Variants in JMJD1C observed in about 807,000 individuals in gnomAD.
The protein encoded by JMJD1C is jumonji domain-containing protein 1C.
A neutral mutation model predicts 245.3 loss-of-function variants in JMJD1C; 31 were observed. That is an observed-to-expected ratio of 0.13 (90% CI 0.09 to 0.17). The LOEUF is 0.17. JMJD1C is among the 10% of genes least tolerant of loss of function. JMJD1C has a pLI of 1.00. For synonymous variants in JMJD1C, 1,057 were observed against 1,017.4 expected, an observed-to-expected ratio of 1.04 and a Z score of -0.74; for missense variants, 2,691 against 3,000.2, an observed-to-expected ratio of 0.90 and a Z score of 2.41.
intron 3 of JMJD1C, among the ~76,000 whole-genome samples, chr10:63,227,046 T>C (rs1026374082): frequency 3.9e-5 from 6 of 152,126 alleles, no homozygotes; most frequent in Non-Finnish European, 5.9e-5. Flanking sequence ...CCAGTCTGGG[T>C]GGCAGAGTGA....
At chr10:63,281,564 G>A (rs138000301) in intron 2 of JMJD1C, among the ~76,000 whole-genome samples, 13,441 of 146,452 alleles carry the variant, frequency 0.092, 751 homozygotes, top group South Asian at 0.25. Context: ...TCTGCCTCCC[G>A]GGTTCAAGCG....
chr10:63,459,875 A>G (rs891442045), intron 1 of JMJD1C, among the ~76,000 whole-genome samples: 3 of 152,220 alleles, frequency 2.0e-5, no homozygotes, highest in African/African-American at 7.2e-5. Context: ...AATCCACAGT[A>G]GTATGTAGGA....
At chr10:63,474,061 A>G (rs572914016) in intron 1 of JMJD1C, among the ~76,000 whole-genome samples, 1 of 151,860 alleles carries the variant, frequency 6.6e-6, no homozygotes. Flanking sequence ...AGAAAAGAAA[A>G]AAAGAAATAA....
intron 1 of JMJD1C, among the ~76,000 whole-genome samples, chr10:63,460,395 C>T (rs1185744483): frequency 6.6e-6 from 1 of 152,042 alleles, no homozygotes; most frequent in African/African-American, 2.4e-5. Context: ...TGGCACATGC[C>T]TGTAGTCCCA....
rs756632654 is a variant in JMJD1C at position 63,189,340 on chromosome 10, G to C, written c.6398C>G (p.Pro2133Arg). The change falls in exon 18 of 26, where the codon CCA (proline) becomes CGA (arginine). Residue 2133 changes from proline (P) to arginine (R), a missense_variant. Physicochemically the swap from Pro to Arg is moderately radical, Grantham distance 103 (BLOSUM62 -2). Transcript: ENST00000399262. ...TTCTTCAGGCTCTTCTTTAAGCTCT[G>C]GTTTTACATTTATCTTGGAGGTTTT... ...PSKTSKINVK[P>R]ELKEEPEESI... 1.2e-5 allele frequency: 20 copies of C among 1,613,494 alleles called. No individual in the cohort carries two copies. Among genetic ancestry groups the C allele is most frequent in the African/African-American group, 2.7e-5 (2 of 74,836 alleles).
chr10:63,176,273 T>A (rs759821290), intron 24 of JMJD1C, 24 bp downstream of exon 24: 13 of 1,528,078 alleles, frequency 8.5e-6, no homozygotes, highest in Middle Eastern at 1.8e-4. Context: ...GTAAAAAATA[T>A]GTTAGAAATA....
chr10:63,220,070 T>C, intron 3 of JMJD1C, 87 bp from the exon 4 acceptor site: 2 of 894,688 alleles, frequency 2.2e-6, no homozygotes, highest in Non-Finnish European at 3.4e-6. Context: ...TTCTAAGGAC[T>C]GAATAAAATT....
At chr10:63,291,731 C>A (rs2133943553) in intron 2 of JMJD1C, among the ~76,000 whole-genome samples, 1 of 152,234 alleles carries the variant, frequency 6.6e-6, no homozygotes. Flanking sequence ...GCCTCAGCCT[C>A]CAGAGTAGCT....
intron 3 of JMJD1C, 131 bp downstream of exon 3, chr10:63,264,520 C>T (rs1267767458): frequency 1.0e-4 from 56 of 543,306 alleles, no homozygotes; most frequent in Non-Finnish European, 9.6e-5. Context: ...CAACTGACTG[C>T]ATTCATTGGG....
intron 3 of JMJD1C, among the ~76,000 whole-genome samples, chr10:63,247,111 C>A (rs67963837): frequency 0.43 from 35,577 of 82,924 alleles, 5,295 homozygotes; most frequent in Non-Finnish European, 0.55. Context: ...ACAAAAAAAA[C>A]AAAAACAAAA....
intron 1 of JMJD1C, among the ~76,000 whole-genome samples, chr10:63,477,442 A>G (rs1038512964): frequency 1.3e-5 from 2 of 152,058 alleles, no homozygotes; most frequent in African/African-American, 2.4e-5. Context: ...CCAGAAATAG[A>G]CCCATACTTA....
At chr10:63,415,478 T>C (rs528581345) in intron 1 of JMJD1C, among the ~76,000 whole-genome samples, 1 of 152,330 alleles carries the variant, frequency 6.6e-6, no homozygotes, top group African/African-American at 2.4e-5. Flanking sequence ...ATTAGTTCAA[T>C]TCATGTGGAT....
At chr10:63,465,369 TC>T in intron 1 of JMJD1C, 125 bp downstream of exon 1, 2 of 1,003,398 alleles carry the variant, frequency 2.0e-6, no homozygotes, top group Non-Finnish European at 2.9e-6. Context: ...CGCCAAGGGT[TC>T]AGCAGAGGGG....
intron 4 of JMJD1C, 54 bp downstream of exon 4, chr10:63,219,824 A>G: frequency 8.0e-7 from 1 of 1,242,622 alleles, no homozygotes; most frequent in South Asian, 1.2e-5. Context: ...AAAAACAAAT[A>G]TGATAAGTTG....
intron 2 of JMJD1C, among the ~76,000 whole-genome samples, chr10:63,272,697 AC>A (rs1428849507): frequency 6.6e-6 from 1 of 152,274 alleles, no homozygotes; most frequent in African/African-American, 2.4e-5. Context: ...ATGTCATGTT[AC>A]CAAACCAAAA....
rs1420327473 is a variant in JMJD1C, at chr10:63,198,295, C to T, written c.5491+218G>A. ...TAACTTAATGTTGTAATGGCAGAAA[C>T]AGCAAAATGCTATTGTGATTTCACA... is the stretch of plus-strand genomic sequence containing the variant. On this transcript the variant is annotated intron_variant, in intron 12 of 25. Transcript: ENST00000399262. Among the ~76,000 whole-genome samples, 3 of 152,250 alleles carry T rather than the reference C, an allele frequency of 2.0e-5. No individual in the cohort carries two copies. The East Asian group carries it at 5.8e-4, about 29-fold the overall frequency.
chr10:63,504,538 G>A (rs183190357), intron 1 of JMJD1C, among the ~76,000 whole-genome samples: 1 of 152,274 alleles, frequency 6.6e-6, no homozygotes, highest in Admixed American at 6.5e-5. Flanking sequence ...AGGCCAATAG[G>A]ACTGAAGCTT....
chr10:63,520,799 CA>C (rs1452245878), intron 1 of JMJD1C, among the ~76,000 whole-genome samples: 2 of 152,210 alleles, frequency 1.3e-5, no homozygotes, highest in Admixed American at 1.3e-4. Flanking sequence ...CCCACTACTG[CA>C]AACATGAAAT....
In JMJD1C at chr10:63,465,584, G is replaced by T. The variant is rs778428383; in HGVS notation, c.79C>A (p.Arg27Ser). The T allele has an allele frequency of 6.2e-7, 1 of 1,609,246 alleles. No individual in the cohort carries two copies. Among genetic ancestry groups the T allele is most frequent in the Non-Finnish European group, 8.5e-7 (1 of 1,179,828 alleles). ...CGCCAGCCGCGTCCGCTCTCCCAGCGCTCCGAACGTGCCTCGTCGCCGACC... is the reference window on the plus strand; with the variant it reads ...CGCCAGCCGCGTCCGCTCTCCCAGCTCTCCGAACGTGCCTCGTCGCCGACC... ...VAVGDEARSE[R>S]WESGRGWRSW... is the part of the protein sequence containing the mutation. The change falls in exon 1 of 26, where the codon CGC (arginine) becomes AGC (serine). Residue 27 changes from arginine (R) to serine (S), a missense_variant. Transcript: ENST00000399262.
Sources: allele counts gnomAD v4.1 joint callset (sites outside exome capture counted in the v4.1 genomes callset), GRCh38; gene constraint gnomAD v4.1.1; transcripts MANE v1.5; gene names NCBI Gene and HGNC (gene_info 2026-07-23, HGNC 2026-07-21).